Variants in SLC34A1 observed in about 807,000 individuals in gnomAD.
SLC34A1 encodes sodium-dependent phosphate transport protein 2A.
SLC34A1 carries 57 observed loss-of-function variants against 51.4 expected under a neutral mutation model. The ratio of observed to expected loss-of-function variants is 1.11; its 90% CI spans 0.90 to 1.38. The LOEUF (loss-of-function observed/expected upper bound fraction) is 1.38, where lower values mean the gene tolerates loss of function less well. SLC34A1 is among the 40% of genes most tolerant of loss of function. The pLI is 0.00. For synonymous variants in SLC34A1, 368 were observed against 358.0 expected (o/e 1.03, Z -0.32); for missense variants, 796 against 835.6 (o/e 0.95, Z 0.58).
At chr5:177,393,867 T>C (rs920293404) in intron 9 of SLC34A1, 104 bp downstream of exon 9, 13 of 1,491,808 alleles carry the variant, frequency 8.7e-6, no homozygotes, top group Non-Finnish European at 1.0e-5. Flanking sequence ...CCAGGAAGCA[T>C]GGCTGTCAAC....
At chr5:177,397,234 C>T in intron 12 of SLC34A1, 160 bp downstream of exon 12, 2 of 816,690 alleles carry the variant, frequency 2.4e-6, no homozygotes, top group Admixed American at 2.4e-5. Context: ...GACCCAATAC[C>T]ACCCTCGAGA....
In SLC34A1 at chr5:177,396,772, C is replaced by T. The variant is rs1000333855; in HGVS notation, c.1214C>T (p.Ala405Val). Residue 405 changes from alanine to valine, a missense_variant, in exon 11 of 13, where the codon GCC (alanine) becomes GTC (valine). By Grantham distance (64) the Ala-to-Val change is moderately conservative. Coordinates refer to ENST00000324417, the MANE Select transcript of SLC34A1 (RefSeq NM_003052.5). The surrounding 1 kb of genome is among the most constrained non-coding windows in gnomAD (Gnocchi z 4.0). ...TTCACCTGGGTCACAGGCTACTTTGCCATGGTGGTGGGCGCCAGCATGACC... is the reference window on the plus strand; with the variant it reads ...TTCACCTGGGTCACAGGCTACTTTGTCATGGTGGTGGGCGCCAGCATGACC... ...APFTWVTGYF[A>V]MVVGASMTFV... The T allele has an allele frequency of 6.2e-7, 1 of 1,614,238 alleles. No individual in the cohort carries two copies. The highest frequency in any genetic ancestry group is 1.3e-5 in the African/African-American group (1 of 75,074).
Position 177,396,735 on chromosome 5 carries a change from T to C in SLC34A1, c.1177T>C (p.Phe393Leu). Residue 393 changes from phenylalanine to leucine, a missense_variant and splice_region_variant, in exon 11 of 13, where the codon TTC (phenylalanine) becomes CTC (leucine). Coordinates refer to ENST00000324417, the MANE Select transcript of SLC34A1 (RefSeq NM_003052.5). This position sits in a 1 kb window ranked among gnomAD's most constrained non-coding sequence, Gnocchi z 4.0. ...KVIQKVINTD[F>L]PAPFTWVTGY... is the part of the protein sequence containing the mutation. ...GCTGGGATGCGGTTTCCTTGCAGAC[T>C]TCCCTGCCCCCTTCACCTGGGTCAC... 6.2e-7 allele frequency: 1 copy of C among 1,614,156 alleles called. No homozygotes were observed. The highest frequency in any genetic ancestry group is 8.5e-7 in the Non-Finnish European group (1 of 1,179,972).
At chr5:177,385,020 A>G (rs1762509287) in intron 1 of SLC34A1, among the ~76,000 whole-genome samples, 1 of 152,126 alleles carries the variant, frequency 6.6e-6, no homozygotes, top group South Asian at 2.1e-4. Flanking sequence ...GTGCGGGGAC[A>G]AGGGGGGGCT....
At position 177,396,454 on chromosome 5, in the gene SLC34A1, G is replaced by GAGGTCCGCTCTCCCAGTGCCCCCGCGA. The variant is rs1762960903; in HGVS notation, c.1175-253_1175-252insAAGGTCCGCTCTCCCAGTGCCCCCGCG. ...GATCCGCTCTCCCAGTGCCCCCGCGGAGGTCCGCTCTCCCAGTGCCCCCGC... is the reference window on the plus strand; with the variant it reads ...GATCCGCTCTCCCAGTGCCCCCGCGGAGGTCCGCTCTCCCAGTGCCCCCGCGAAGGTCCGCTCTCCCAGTGCCCCCGC... On this transcript the variant is annotated intron_variant, in intron 10 of 12. Transcript: ENST00000324417. This position sits in a 1 kb window ranked among gnomAD's most constrained non-coding sequence, Gnocchi z 4.0. Among the ~76,000 whole-genome samples the GAGGTCCGCTCTCCCAGTGCCCCCGCGA allele has an allele frequency of 6.8e-6, 1 of 147,326 alleles. No individual in the cohort carries two copies. The highest frequency in any genetic ancestry group is 2.5e-5 in the African/African-American group (1 of 40,356).
intron 8 of SLC34A1, among the ~76,000 whole-genome samples, chr5:177,392,380 T>C (rs2127351988): frequency 1.3e-5 from 2 of 152,270 alleles, no homozygotes; most frequent in Non-Finnish European, 2.9e-5. Context: ...GGAGAATCGC[T>C]TGAACCCAGG....
At position 177,387,761 on chromosome 5, in the gene SLC34A1, G is replaced by C. The variant is rs752731196; in HGVS notation, c.533-1G>C. On this transcript the variant is annotated splice_acceptor_variant, in intron 5 of 12. Coordinates refer to ENST00000324417, the MANE Select transcript of SLC34A1 (RefSeq NM_003052.5). LOFTEE classifies it high-confidence loss of function. ...CATTAGGACGTCTTCTCTTCTACCA[G>C]TGCTGGAGGTGAGCTCTGCCATCCC... The C allele has an allele frequency of 6.2e-7, 1 of 1,613,236 alleles. No individual in the cohort carries two copies. Among genetic ancestry groups the C allele is most frequent in the Non-Finnish European group, 8.5e-7 (1 of 1,179,234 alleles).
In SLC34A1 at chr5:177,388,439, C is replaced by A. The variant is rs1207913374; in HGVS notation, c.936+67C>A. 1.1e-5 allele frequency: 14 copies of A among 1,320,366 alleles called. No individual in the cohort carries two copies. The highest frequency in any genetic ancestry group is 1.4e-5 in the African/African-American group (1 of 69,262). The allele number at this position is 1,320,366 out of a possible 1,614,324, so 81.8% of individuals were successfully genotyped here. Reference sequence around the variant, plus strand: ...CAGACTCTTGGTTTCATTGTCTGTTCAAAATGCTCCAGATAGACCTTGAAG... The same window carrying A: ...CAGACTCTTGGTTTCATTGTCTGTTAAAAATGCTCCAGATAGACCTTGAAG... On this transcript the variant is annotated intron_variant, in intron 8 of 12. Coordinates refer to ENST00000324417, the MANE Select transcript of SLC34A1 (RefSeq NM_003052.5). The surrounding 1 kb of genome is among the most constrained non-coding windows in gnomAD (Gnocchi z 4.3).
In SLC34A1 at chr5:177,396,856, G is replaced by C. The variant is rs1324981847; in HGVS notation, c.1291+7G>C. On this transcript the variant is annotated splice_region_variant and intron_variant, in intron 11 of 12. Coordinates refer to ENST00000324417, the MANE Select transcript of SLC34A1 (RefSeq NM_003052.5). This position sits in a 1 kb window ranked among gnomAD's most constrained non-coding sequence, Gnocchi z 4.0. ...GCCATCACCCCACTCATCGGTGAGT[G>C]CCCATGTAGAGGTGGAGTGGGGTGG... The C allele has an allele frequency of 6.2e-7, 1 of 1,614,142 alleles. No homozygotes were observed. Among genetic ancestry groups the C allele is most frequent in the South Asian group, 1.1e-5 (1 of 91,082 alleles).
chr5:177,393,466 G>GT (rs1270075241), intron 8 of SLC34A1, among the ~76,000 whole-genome samples: 1 of 152,194 alleles, frequency 6.6e-6, no homozygotes, highest in African/African-American at 2.4e-5. Context: ...AGCTGGGCCA[G>GT]TGGAGTGACA....
At position 177,394,165 on chromosome 5, in the gene SLC34A1, G is replaced by A. The variant is rs1456309118; in HGVS notation, c.1144G>A (p.Ala382Thr). ...CAACTCCCTGCTCAAGGGCCAAGTG[G>A]CCAAGGTCATCCAGAAGGTCATCAA... ...MLNSLLKGQV[A>T]KVIQKVINTD... Residue 382 changes from alanine (A) to threonine (T), a missense_variant, in exon 10 of 13, where the codon GCC (alanine) becomes ACC (threonine). Physicochemically the swap from Ala to Thr is moderately conservative, Grantham distance 58. Transcript: ENST00000324417. 5 of 1,614,056 alleles carry A rather than the reference G, an allele frequency of 3.1e-6. No individual in the cohort carries two copies. Among genetic ancestry groups the A allele is most frequent in the Non-Finnish European group, 4.2e-6 (5 of 1,180,038 alleles).
At position 177,386,454 on chromosome 5, in the gene SLC34A1, C is replaced by T. The variant is rs200188041; in HGVS notation, c.420C>T (p.Asn140=). The T allele has an allele frequency of 9.0e-5, 145 of 1,614,098 alleles. No individual in the cohort carries two copies. Among genetic ancestry groups the T allele is most frequent in the Non-Finnish European group, 1.1e-4 (128 of 1,179,954 alleles). The change falls in exon 5 of 13, where the codon AAC becomes AAT. Residue 140 remains asparagine, a synonymous_variant. Transcript: ENST00000324417. The surrounding 1 kb of genome is among the most constrained non-coding windows in gnomAD (Gnocchi z 4.8). ...TGGCTGGTGACATCTTCAAGGATAA[C>T]GCCATCCTGTCCAACCCGGTGGCCG... is the stretch of plus-strand genomic sequence containing the variant. ...GKVAGDIFKD[N]AILSNPVAGL...
At chr5:177,390,819 C>G (rs1762777646) in intron 8 of SLC34A1, among the ~76,000 whole-genome samples, 1 of 152,048 alleles carries the variant, frequency 6.6e-6, no homozygotes, top group Non-Finnish European at 1.5e-5. Flanking sequence ...CCTTCAGTCC[C>G]CAGAAGGGGC....
intron 8 of SLC34A1, chr5:177,389,848 G>A (rs984472116): frequency 2.7e-5 from 40 of 1,475,458 alleles, no homozygotes; most frequent in Non-Finnish European, 3.2e-5. Flanking sequence ...CTTTCTCTAC[G>A]GCTGCAGCTG....
At chr5:177,390,471 T>G (rs1408527115) in intron 8 of SLC34A1, 8 of 669,044 alleles carry the variant, frequency 1.2e-5, no homozygotes, top group Non-Finnish European at 1.5e-5. Context: ...CTTGCCCAAG[T>G]CCATGTAATT....
intron 5 of SLC34A1, among the ~76,000 whole-genome samples, chr5:177,387,018 C>T (rs944290609): frequency 6.6e-6 from 1 of 151,976 alleles, no homozygotes; most frequent in Non-Finnish European, 1.5e-5. Context: ...ACAGAACACC[C>T]AGGCTAGTGT....
In SLC34A1 at chr5:177,393,592, G is replaced by A. The variant is rs1011106085; in HGVS notation, c.937-102G>A. The A allele has an allele frequency of 5.2e-5, 56 of 1,072,084 alleles. 1 individual carries two copies. Among genetic ancestry groups the A allele is most frequent in the Non-Finnish European group, 7.6e-5 (53 of 693,264 alleles). 66.4% of individuals were successfully genotyped at this position (1,072,084 alleles called of 1,614,324 possible). On this transcript the variant is annotated intron_variant, in intron 8 of 12. Transcript: ENST00000324417. ...AGACCCATCCATGGTCACAGAGCAG[G>A]AGGCCCATCTCCATCTTCCCCATCT... is the stretch of plus-strand genomic sequence containing the variant.
chr5:177,388,502 T>C lies in SLC34A1; in HGVS notation c.936+130T>C. 3.9e-6 allele frequency: 3 copies of C among 774,224 alleles called. No individual in the cohort carries two copies. Among genetic ancestry groups the C allele is most frequent in the Non-Finnish European group, 2.2e-6 (1 of 448,288 alleles). 48.0% of individuals were successfully genotyped at this position (774,224 alleles called of 1,614,324 possible). On this transcript the variant is annotated intron_variant, in intron 8 of 12. Coordinates refer to ENST00000324417, the MANE Select transcript of SLC34A1 (RefSeq NM_003052.5). This position sits in a 1 kb window ranked among gnomAD's most constrained non-coding sequence, Gnocchi z 4.3. The stretch of plus-strand genomic sequence containing the variant: ...GGAGAGGGCAAATATGTGGCCCTTC[T>C]ACTGTGCTTACAGTTAACATTGCTA...
chr5:177,393,434 C>T (rs1762867927), intron 8 of SLC34A1, among the ~76,000 whole-genome samples: 1 of 152,102 alleles, frequency 6.6e-6, no homozygotes. Flanking sequence ...GACAGGAAGC[C>T]ACTGGATGTG....
Sources: allele counts gnomAD v4.1 joint callset (sites outside exome capture counted in the v4.1 genomes callset), GRCh38; gene constraint gnomAD v4.1.1; non-coding constraint Gnocchi (gnomAD v3.1); transcripts MANE v1.5; gene names NCBI Gene and HGNC (gene_info 2026-07-23, HGNC 2026-07-21).